THSD4: variants seen among roughly 807,000 people sequenced by gnomAD.
THSD4 encodes thrombospondin type-1 domain-containing protein 4.
A neutral mutation model predicts 119.0 loss-of-function variants in THSD4; 69 were observed. The observed-to-expected ratio is 0.58, with a 90% CI of 0.48 to 0.71. The LOEUF (loss-of-function observed/expected upper bound fraction) is 0.71, where lower values mean the gene tolerates loss of function less well. Among genes scored for constraint, THSD4 ranks in the 30% least tolerant of loss-of-function variants. The pLI is 0.00. For synonymous variants in THSD4, 524 were observed against 540.4 expected (o/e 0.97, Z 0.42); for missense variants, 1,393 against 1,391.1 (o/e 1.00, Z -0.02).
At chr15:71,355,711 A>G (rs890471769) in intron 6 of THSD4, among the ~76,000 whole-genome samples, 4 of 152,170 alleles carry the variant, frequency 2.6e-5, no homozygotes, top group African/African-American at 9.7e-5. Flanking sequence ...GGAGAGCTCA[A>G]TTAATGGATG....
At chr15:71,445,103 C>T (rs572547682) in intron 7 of THSD4, among the ~76,000 whole-genome samples, 1 of 152,190 alleles carries the variant, frequency 6.6e-6, no homozygotes, top group African/African-American at 2.4e-5. Context: ...TGGGGAATAC[C>T]TTTTCCTATC....
intron 7 of THSD4, among the ~76,000 whole-genome samples, chr15:71,520,729 T>C (rs2048427669): frequency 6.6e-6 from 1 of 151,146 alleles, no homozygotes; most frequent in African/African-American, 2.5e-5. Flanking sequence ...CTATTCTTGC[T>C]CCCCTTTTTC....
intron 7 of THSD4, among the ~76,000 whole-genome samples, chr15:71,631,252 G>T (rs556375455): frequency 6.6e-6 from 1 of 152,308 alleles, no homozygotes; most frequent in East Asian, 1.9e-4. Context: ...CTGGGCATCA[G>T]TAGCTTTTCA....
chr15:71,641,345 G>A (rs2050854340), intron 7 of THSD4, among the ~76,000 whole-genome samples: 3 of 151,628 alleles, frequency 2.0e-5, no homozygotes, highest in Admixed American at 2.0e-4. Flanking sequence ...AAGTGACGAA[G>A]TTTCCAATGT....
intron 7 of THSD4, among the ~76,000 whole-genome samples, chr15:71,574,781 A>G (rs1377821093): frequency 1.3e-5 from 2 of 152,140 alleles, no homozygotes. Context: ...AGGAGCTTCA[A>G]AGTCACATTT....
At chr15:71,335,560 A>G (rs1430006332) in intron 6 of THSD4, among the ~76,000 whole-genome samples, 1 of 152,090 alleles carries the variant, frequency 6.6e-6, no homozygotes, top group Non-Finnish European at 1.5e-5. Context: ...GGATATAATG[A>G]TTGATGAGTG....
intron 7 of THSD4, among the ~76,000 whole-genome samples, chr15:71,462,326 A>AT (rs1409332250): frequency 1.3e-5 from 2 of 151,696 alleles, no homozygotes; most frequent in East Asian, 1.9e-4. Flanking sequence ...CATCTGGCTA[A>AT]TTTTTTTTCT....
chr15:71,322,926 G>A (rs75031378), intron 6 of THSD4, among the ~76,000 whole-genome samples: 19,150 of 151,808 alleles, frequency 0.13, 1,270 homozygotes, highest in South Asian at 0.17. Flanking sequence ...GCAAAACTCA[G>A]TCTCAACTAA....
chr15:71,588,632 C>T (rs2049737488), intron 7 of THSD4, among the ~76,000 whole-genome samples: 2 of 152,128 alleles, frequency 1.3e-5, no homozygotes, highest in Non-Finnish European at 2.9e-5. Context: ...ATGGGTTTCA[C>T]CACGTTACCC....
At chr15:71,354,655 G>T (rs1426033842) in intron 6 of THSD4, among the ~76,000 whole-genome samples, 1 of 152,178 alleles carries the variant, frequency 6.6e-6, no homozygotes, top group Non-Finnish European at 1.5e-5. Flanking sequence ...TTCTAGCCCT[G>T]CAGTTGCTAA....
At chr15:71,660,874 C>A in intron 8 of THSD4, 140 bp downstream of exon 8, 1 of 900,176 alleles carries the variant, frequency 1.1e-6, no homozygotes, top group Non-Finnish European at 1.7e-6. Context: ...AAAGTACCAC[C>A]TGGCCTGCGC....
chr15:71,298,309 C>A (rs1056311168), intron 6 of THSD4, among the ~76,000 whole-genome samples: 3 of 152,158 alleles, frequency 2.0e-5, no homozygotes, highest in African/African-American at 7.2e-5. Flanking sequence ...TCTGACCTTA[C>A]AATAACACCA....
chr15:71,209,748 T>C (rs138045968), intron 3 of THSD4, among the ~76,000 whole-genome samples: 9 of 152,310 alleles, frequency 5.9e-5, no homozygotes, highest in African/African-American at 2.2e-4. Flanking sequence ...TTGAACTGTA[T>C]GTAGGTCCCA....
chr15:71,387,429 A>G (rs1227351798), intron 6 of THSD4, among the ~76,000 whole-genome samples: 1 of 152,128 alleles, frequency 6.6e-6, no homozygotes, highest in Non-Finnish European at 1.5e-5. Context: ...ATTTTTTTAT[A>G]ATTTGTTTTC....
At chr15:71,521,566 A>G (rs553210184) in intron 7 of THSD4, among the ~76,000 whole-genome samples, 8 of 152,138 alleles carry the variant, frequency 5.3e-5, no homozygotes, top group Non-Finnish European at 1.2e-4. Flanking sequence ...AAATACCTAG[A>G]CTTCCAAGGC....
At chr15:71,343,698 G>A (rs948385103) in intron 6 of THSD4, among the ~76,000 whole-genome samples, 1 of 149,144 alleles carries the variant, frequency 6.7e-6, no homozygotes, top group Non-Finnish European at 1.5e-5. Flanking sequence ...CTAAATCTAG[G>A]ATAATCTCAT....
intron 4 of THSD4, among the ~76,000 whole-genome samples, chr15:71,237,890 C>T (rs142427032): frequency 1.3e-5 from 2 of 152,272 alleles, no homozygotes; most frequent in East Asian, 3.9e-4. Flanking sequence ...TGGATGGCAG[C>T]CAGCCTGTTG....
intron 7 of THSD4, chr15:71,547,217 C>G (rs2048849938): frequency 2.9e-6 from 4 of 1,367,938 alleles, no homozygotes; most frequent in Non-Finnish European, 3.8e-6. Flanking sequence ...ATGAAGAGAT[C>G]AGCTTACCAG....
At chr15:71,757,032 C>A (rs2053551177) in intron 14 of THSD4, among the ~76,000 whole-genome samples, 1 of 152,076 alleles carries the variant, frequency 6.6e-6, no homozygotes, top group Non-Finnish European at 1.5e-5. Context: ...GGTTGAAGCC[C>A]CTTATACCAT....
Sources: allele counts gnomAD v4.1 joint callset (sites outside exome capture counted in the v4.1 genomes callset), GRCh38; gene constraint gnomAD v4.1.1; transcripts MANE v1.5; gene names NCBI Gene and HGNC (gene_info 2026-07-23, HGNC 2026-07-21).